Variants in HNRNPAB observed in about 807,000 individuals in gnomAD.
The protein encoded by HNRNPAB is heterogeneous nuclear ribonucleoprotein A/B.
In HNRNPAB, 17 loss-of-function variants were observed where a neutral mutation model predicts 44.1. That is an observed-to-expected ratio of 0.39 (90% CI 0.26 to 0.58). HNRNPAB has a LOEUF of 0.58. Among genes scored for constraint, HNRNPAB ranks in the 20% least tolerant of loss-of-function variants. The pLI, the probability that HNRNPAB is intolerant of heterozygous loss-of-function variation, is 0.63. For missense variants in HNRNPAB, 393 were observed against 432.7 expected, an observed-to-expected ratio of 0.91 and a Z score of 0.81; for synonymous variants, 183 against 167.6, an observed-to-expected ratio of 1.09 and a Z score of -0.71.
rs1375838220 is a variant in HNRNPAB at position 178,207,135 on chromosome 5, A to G, written c.579A>G (p.Lys193=). ...IELPMDPKLN[K]RRGFVFITFK... is the part of the protein sequence containing the mutation. ...TGCCAATGGATCCAAAGTTGAACAA[A>G]AGACGAGGTTTTGTGTTTATCACCT... Residue 193 remains lysine, a synonymous_variant, in exon 5 of 8, where the codon AAA becomes AAG. Transcript: ENST00000358344. 7.4e-6 allele frequency: 12 copies of G among 1,614,176 alleles called. No individual in the cohort carries two copies. Among genetic ancestry groups the G allele is most frequent in the Non-Finnish European group, 9.3e-6 (11 of 1,180,026 alleles).
rs766667790 is a variant in HNRNPAB, at chr5:178,204,547, C to T, written c.-217C>T. 1.9e-5 allele frequency: 4 copies of T among 212,782 alleles called. No homozygotes were observed. Among genetic ancestry groups the T allele is most frequent in the Non-Finnish European group, 3.7e-5 (4 of 108,278 alleles). 13.2% of individuals were successfully genotyped at this position (212,782 alleles called of 1,614,324 possible). A position where few individuals can be genotyped will look rare whatever the true frequency, so the allele number is the denominator to read the frequency against. On this transcript the variant is annotated 5_prime_UTR_variant, in exon 1 of 8. Transcript: ENST00000358344. ...TCGGCATTGTCAGGCGGCGGCACCG[C>T]GCGGGACGGAGCTTGGCTGTTGGTC...
At position 178,205,062 on chromosome 5, in the gene HNRNPAB, G is replaced by A. The variant is rs1939361344; in HGVS notation, c.209+16G>A. On this transcript the variant is annotated intron_variant, in intron 2 of 7. Coordinates refer to ENST00000358344, the MANE Select transcript of HNRNPAB (RefSeq NM_031266.3). ...AGGACGCGGGGTAGGTGCGGCCGCG[G>A]GCGGACGGGGGCGCCGCCTTTGTTC... is the stretch of plus-strand genomic sequence containing the variant. 6.7e-6 allele frequency: 8 copies of A among 1,201,882 alleles called. No homozygotes were observed. Among genetic ancestry groups the A allele is most frequent in the Middle Eastern group, 3.3e-4 (1 of 3,044 alleles). The allele number at this position is 1,201,882 out of a possible 1,614,324, so 74.5% of individuals were successfully genotyped here. A position where few individuals can be genotyped will look rare whatever the true frequency, so the allele number is the denominator to read the frequency against.
Position 178,207,230 on chromosome 5 carries a change from G to GGT in HNRNPAB, c.669+8_669+9dup. The GGT allele has an allele frequency of 6.2e-7, 1 of 1,614,054 alleles. No individual in the cohort carries two copies. Among genetic ancestry groups the GGT allele is most frequent in the South Asian group, 1.1e-5 (1 of 91,070 alleles). ...CATACTGTCAGTGGAAGCAAGGTAAGGTGTTCCCAGCTCTGCTTGGCCTCC... is the reference window on the plus strand; with the variant it reads ...CATACTGTCAGTGGAAGCAAGGTAAGGTGTGTTCCCAGCTCTGCTTGGCCTCC... On this transcript the variant is annotated splice_donor_region_variant and intron_variant, in intron 5 of 7. Transcript: ENST00000358344.
At chr5:178,208,720 A>T (rs1757263429) in intron 5 of HNRNPAB, 1 of 152,426 alleles carries the variant, frequency 6.6e-6, no homozygotes, top group Admixed American at 6.5e-5. Context: ...AGTGGACAGA[A>T]AGGAAATTGA....
chr5:178,206,231 T>C (rs943169917), intron 3 of HNRNPAB, among the ~76,000 whole-genome samples: 3 of 152,204 alleles, frequency 2.0e-5, no homozygotes, highest in African/African-American at 7.2e-5. Flanking sequence ...AGATGACAGT[T>C]GACATTCATT....
rs1034480910 is a variant in HNRNPAB at position 178,204,885 on chromosome 5, C to T, written c.48C>T (p.Thr16=). 2 of 1,212,424 alleles carry T rather than the reference C, an allele frequency of 1.6e-6. No individual in the cohort carries two copies. Among genetic ancestry groups the T allele is most frequent in the Non-Finnish European group, 2.1e-6 (2 of 975,480 alleles). 75.1% of individuals were successfully genotyped at this position (1,212,424 alleles called of 1,614,324 possible). A position where few individuals can be genotyped will look rare whatever the true frequency, so the allele number is the denominator to read the frequency against. Residue 16 remains threonine (T), a synonymous_variant, in exon 2 of 8, where the codon ACC becomes ACT. Coordinates refer to ENST00000358344, the MANE Select transcript of HNRNPAB (RefSeq NM_031266.3). ...EEQPMETTGA[T]ENGHEAVPEG... is the part of the protein sequence containing the mutation. Reference sequence around the variant, plus strand: ...AGCCCATGGAGACGACGGGCGCCACCGAGAACGGACATGAGGCCGTCCCCG... The same window carrying T: ...AGCCCATGGAGACGACGGGCGCCACTGAGAACGGACATGAGGCCGTCCCCG...
chr5:178,210,230 T>G lies in HNRNPAB; in HGVS notation c.886T>G (p.Ser296Ala). 1.2e-6 allele frequency: 2 copies of G among 1,613,442 alleles called. No individual in the cohort carries two copies. The highest frequency in any genetic ancestry group is 2.7e-5 in the African/African-American group (2 of 75,046). The change falls in exon 7 of 8, where the codon TCG (serine) becomes GCG (alanine). Residue 296 changes from serine (S) to alanine (A), a missense_variant. Ser to Ala is a moderately conservative substitution (Grantham distance 99). Around this residue, in one of 3 missense-constraint regions of HNRNPAB, gnomAD observed 210 missense variants for 196.9 expected, o/e 1.07. Transcript: ENST00000358344. ...YGPGYGGYDY[S>A]PYGYYGYGPG... ...GCCTGGCTATGGCGGCTACGACTAC[T>G]CGCCCTATGGCTATTACGGCTACGG...
intron 2 of HNRNPAB, 25 bp downstream of exon 2, chr5:178,205,071 G>A: frequency 8.3e-7 from 1 of 1,199,626 alleles, no homozygotes; most frequent in Non-Finnish European, 1.0e-6. Context: ...GGGCGGACGG[G>A]GGCGCCGCCT....
intron 3 of HNRNPAB, 148 bp from the exon 4 acceptor site, chr5:178,206,584 A>G: frequency 1.3e-6 from 1 of 763,210 alleles, no homozygotes; most frequent in South Asian, 1.7e-5. Flanking sequence ...AGGTTTGATG[A>G]AAATTGGGTT....
At chr5:178,210,486 A>AT in intron 7 of HNRNPAB, 67 bp from the exon 8 acceptor site, 10 of 1,530,150 alleles carry the variant, frequency 6.5e-6, no homozygotes, top group Non-Finnish European at 9.1e-6. Context: ...GGGAAGATGC[A>AT]TATCAAGCGC....
intron 5 of HNRNPAB, 35 bp downstream of exon 5, chr5:178,207,260 C>T (rs1214896187): frequency 2.5e-6 from 4 of 1,611,342 alleles, no homozygotes; most frequent in South Asian, 1.1e-5. Flanking sequence ...GCCTCCTGTG[C>T]TGCTGGAGAG....
chr5:178,209,289 GT>G, intron 5 of HNRNPAB, 40 bp from the exon 6 acceptor site: 1 of 1,535,010 alleles, frequency 6.5e-7, no homozygotes. Context: ...ACTGCCCTGA[GT>G]TTGTCCTACT....
chr5:178,210,771 T>C lies in HNRNPAB; in HGVS notation c.*148T>C, dbSNP rs554325892. ...AAAATTTCCCCCATGGAAATCACTC[T>C]CCTGTTGACTATTTCCAGAGCTCTA... On this transcript the variant is annotated 3_prime_UTR_variant, in exon 8 of 8. Coordinates refer to ENST00000358344, the MANE Select transcript of HNRNPAB (RefSeq NM_031266.3). 3.0e-6 allele frequency: 2 copies of C among 672,282 alleles called. No individual in the cohort carries two copies. Among genetic ancestry groups the C allele is most frequent in the African/African-American group, 3.5e-5 (2 of 56,576 alleles). The allele number at this position is 672,282 out of a possible 1,614,324, so 41.6% of individuals were successfully genotyped here.
At chr5:178,207,579 T>C (rs957725770) in intron 5 of HNRNPAB, among the ~76,000 whole-genome samples, 1 of 152,092 alleles carries the variant, frequency 6.6e-6, no homozygotes. Context: ...CAGAAGATCC[T>C]AGAACTTCTG....
Position 178,204,795 on chromosome 5 carries a change from G to T in HNRNPAB, c.-23-20G>T, listed in dbSNP as rs1356368030. 46 of 1,177,654 alleles carry T rather than the reference G, an allele frequency of 3.9e-5. 1 individual carries two copies. The highest frequency in any genetic ancestry group is 8.5e-6 in the Non-Finnish European group (8 of 946,066). The allele number at this position is 1,177,654 out of a possible 1,614,324, so 73.0% of individuals were successfully genotyped here. Reference sequence around the variant, plus strand: ...GGCGGGAGCCGCGCCGGCCTGACGCGCTGTCGCCGCTGGTTGCAGGAGCCG... The same window carrying T: ...GGCGGGAGCCGCGCCGGCCTGACGCTCTGTCGCCGCTGGTTGCAGGAGCCG... On this transcript the variant is annotated intron_variant, in intron 1 of 7. Transcript: ENST00000358344.
intron 6 of HNRNPAB, among the ~76,000 whole-genome samples, chr5:178,209,753 TA>T (rs1757613749): frequency 1.3e-5 from 2 of 152,066 alleles, no homozygotes; most frequent in African/African-American, 2.4e-5. Context: ...TGTGAGCAGG[TA>T]GGCAGAAGGG....
rs1581168697 is a variant in HNRNPAB at position 178,209,220 on chromosome 5, C to T, written c.670-110C>T. 7 of 899,564 alleles carry T rather than the reference C, an allele frequency of 7.8e-6. No homozygotes were observed. In the Admixed American group the frequency reaches 1.3e-4, roughly 17 times the overall value. 55.7% of individuals were successfully genotyped at this position (899,564 alleles called of 1,614,324 possible). A position where few individuals can be genotyped will look rare whatever the true frequency, so the allele number is the denominator to read the frequency against. On this transcript the variant is annotated intron_variant, in intron 5 of 7. Coordinates refer to ENST00000358344, the MANE Select transcript of HNRNPAB (RefSeq NM_031266.3). ...TCCCATACTAGCATATTTTGTTTCT[C>T]AGCAAATGGACCTGATCCACCATTT...
chr5:178,205,735 C>G, intron 2 of HNRNPAB, 107 bp from the exon 3 acceptor site: 2 of 1,041,560 alleles, frequency 1.9e-6, no homozygotes, highest in Non-Finnish European at 2.9e-6. Flanking sequence ...CTTGCAGACT[C>G]TAAGGGTAGC....
chr5:178,211,123 A>G lies in HNRNPAB; in HGVS notation c.*500A>G, dbSNP rs1389535911. On this transcript the variant is annotated 3_prime_UTR_variant, in exon 8 of 8. Coordinates refer to ENST00000358344, the MANE Select transcript of HNRNPAB (RefSeq NM_031266.3). ...TGATTTTGCCACAACCTGGATATTG[A>G]AGCTATCCAAGCTTTTGAAATAAAA... The G allele has an allele frequency of 6.4e-6, 1 of 157,352 alleles. No individual in the cohort carries two copies. Among genetic ancestry groups the G allele is most frequent in the Non-Finnish European group, 1.4e-5 (1 of 71,376 alleles). The allele number at this position is 157,352 out of a possible 1,614,324, so 9.7% of individuals were successfully genotyped here. A position where few individuals can be genotyped will look rare whatever the true frequency, so the allele number is the denominator to read the frequency against.
Sources: allele counts gnomAD v4.1 joint callset (sites outside exome capture counted in the v4.1 genomes callset), GRCh38; gene constraint gnomAD v4.1.1; regional missense constraint gnomAD v4.1.1; transcripts MANE v1.5; gene names NCBI Gene and HGNC (gene_info 2026-07-23, HGNC 2026-07-21).